The following KCNMB2 variants were observed in gnomAD, a reference collection of about 807,000 sequenced individuals.
KCNMB2 encodes the protein potassium calcium-activated channel subfamily M regulatory beta subunit 2.
In KCNMB2, 9 loss-of-function variants were observed where a neutral mutation model predicts 24.5. That is an observed-to-expected ratio of 0.37 (90% CI 0.22 to 0.64). The LOEUF is 0.64. Among genes scored for constraint, KCNMB2 ranks in the 30% least tolerant of loss-of-function variants. The probability of loss-of-function intolerance (pLI) is 0.63; values close to 1 mark genes in which losing one functional copy is unlikely to be tolerated. For synonymous variants in KCNMB2, 109 were observed against 104.4 expected (o/e 1.04, Z -0.27); for missense variants, 226 against 284.3 (o/e 0.79, Z 1.47).
chr3:178,681,672 G>A (rs182882546), intron 1 of KCNMB2, among the ~76,000 whole-genome samples: 54 of 152,302 alleles, frequency 3.5e-4, no homozygotes, highest in Admixed American at 7.2e-4. Flanking sequence ...AGACAAATAC[G>A]TAGCCGGATA....
intron 1 of KCNMB2, among the ~76,000 whole-genome samples, chr3:178,725,723 C>T (rs1722945602): frequency 6.6e-6 from 1 of 151,922 alleles, no homozygotes; most frequent in Admixed American, 6.6e-5. Context: ...TGCTGTTATT[C>T]GATGGAATGT....
At chr3:178,840,439 G>A (rs1456544540) in intron 4 of KCNMB2, among the ~76,000 whole-genome samples, 8 of 152,230 alleles carry the variant, frequency 5.3e-5, no homozygotes, top group Non-Finnish European at 1.2e-4. Flanking sequence ...CAGTGCCCCA[G>A]TGGGGATTCT....
Position 178,617,202 on chromosome 3 carries a change from A to G in KCNMB2, c.-68+80491A>G, listed in dbSNP as rs532659489. Among the ~76,000 whole-genome samples the G allele has an allele frequency of 3.9e-5, 6 of 152,322 alleles. No homozygotes were observed. In the East Asian group the frequency reaches 7.7e-4, roughly 20 times the overall value. On this transcript the variant is annotated intron_variant, in intron 1 of 4. Coordinates refer to ENST00000452583, the MANE Select transcript of KCNMB2 (RefSeq NM_181361.3). ...ATATTTGCTTCTAATTATGATTGTT[A>G]GCTTGTTTTAAAATATTATTATTAT...
chr3:178,654,179 T>C (rs1720236924), intron 1 of KCNMB2, among the ~76,000 whole-genome samples: 4 of 152,180 alleles, frequency 2.6e-5, no homozygotes, highest in Non-Finnish European at 5.9e-5. Context: ...TTTATATCTG[T>C]GACTATTTCC....
intron 1 of KCNMB2, among the ~76,000 whole-genome samples, chr3:178,690,385 A>G (rs985034714): frequency 6.6e-6 from 1 of 152,210 alleles, no homozygotes; most frequent in Non-Finnish European, 1.5e-5. Context: ...AACACTTTAA[A>G]GAGAACTAGA....
intron 2 of KCNMB2, among the ~76,000 whole-genome samples, chr3:178,818,644 A>G (rs1305039591): frequency 6.6e-6 from 1 of 152,084 alleles, no homozygotes; most frequent in Non-Finnish European, 1.5e-5. Context: ...TTTATCTAAC[A>G]CCTGAAACAC....
intron 1 of KCNMB2, among the ~76,000 whole-genome samples, chr3:178,677,540 C>G (rs1304807024): frequency 6.6e-6 from 1 of 152,186 alleles, no homozygotes; most frequent in Non-Finnish European, 1.5e-5. Flanking sequence ...CTGCCCTCAG[C>G]TCATTTGTTT....
At chr3:178,675,437 T>C (rs1292181968) in intron 1 of KCNMB2, among the ~76,000 whole-genome samples, 2 of 152,208 alleles carry the variant, frequency 1.3e-5, no homozygotes, top group East Asian at 3.8e-4. Flanking sequence ...AACTGCCAGC[T>C]TTCCCGCAGG....
intron 3 of KCNMB2, among the ~76,000 whole-genome samples, chr3:178,825,967 T>C (rs556458594): frequency 1.0e-3 from 154 of 152,322 alleles, no homozygotes; most frequent in Non-Finnish European, 1.9e-3. Flanking sequence ...TGTCAAAGAC[T>C]TCTACTTCTT....
intron 1 of KCNMB2, among the ~76,000 whole-genome samples, chr3:178,704,904 A>C (rs965712193): frequency 1.3e-5 from 2 of 152,140 alleles, no homozygotes. Flanking sequence ...GACTCCTATA[A>C]GATGAAATTT....
At chr3:178,816,693 T>G (rs1714415542) in intron 2 of KCNMB2, among the ~76,000 whole-genome samples, 1 of 152,166 alleles carries the variant, frequency 6.6e-6, no homozygotes, top group African/African-American at 2.4e-5. Context: ...TATCATTTAA[T>G]TCTGATTTTT....
At chr3:178,594,890 TCAC>T (rs1183443544) in intron 1 of KCNMB2, among the ~76,000 whole-genome samples, 1 of 152,084 alleles carries the variant, frequency 6.6e-6, no homozygotes, top group Admixed American at 6.6e-5. Context: ...ATTTCATTCT[TCAC>T]CATATTCTCT....
intron 1 of KCNMB2, among the ~76,000 whole-genome samples, chr3:178,687,567 G>T (rs967399028): frequency 9.9e-5 from 15 of 151,224 alleles, no homozygotes; most frequent in Non-Finnish European, 2.1e-4. Flanking sequence ...AGAATGATAC[G>T]CAAACAGCAC....
At chr3:178,542,531 C>T (rs914837075) in intron 1 of KCNMB2, among the ~76,000 whole-genome samples, 8 of 152,118 alleles carry the variant, frequency 5.3e-5, no homozygotes, top group Non-Finnish European at 8.8e-5. Context: ...CAAAGAGCTA[C>T]TATGCTATCA....
At chr3:178,540,879 T>C (rs1715594922) in intron 1 of KCNMB2, among the ~76,000 whole-genome samples, 1 of 152,234 alleles carries the variant, frequency 6.6e-6, no homozygotes, top group East Asian at 1.9e-4. Context: ...TTGTAAACTC[T>C]ATGAAAGCAG....
chr3:178,762,031 C>T lies in KCNMB2; in HGVS notation c.-67-45312C>T, dbSNP rs71308202. Among the ~76,000 whole-genome samples the T allele has an allele frequency of 1.1e-3, 171 of 151,240 alleles. 1 individual carries two copies. Among genetic ancestry groups the T allele is most frequent in the South Asian group, 3.4e-3 (16 of 4,776 alleles). ...CTAAAAATACAAAAAATTAACCAGG[C>T]GTCGTAGCGGGCGCCTGTAGTCCCA... On this transcript the variant is annotated intron_variant, in intron 1 of 4. Transcript: ENST00000452583.
chr3:178,728,096 T>C (rs9872492), intron 1 of KCNMB2, among the ~76,000 whole-genome samples: 1,657 of 152,300 alleles, frequency 0.011, 30 homozygotes, highest in African/African-American at 0.038. Context: ...TCACCCAAAA[T>C]TGTTGTTGCA....
intron 1 of KCNMB2, among the ~76,000 whole-genome samples, chr3:178,741,734 G>A (rs1420133322): frequency 6.6e-6 from 1 of 152,204 alleles, no homozygotes; most frequent in East Asian, 1.9e-4. Flanking sequence ...TCATGTTGGT[G>A]AGACCCCCAG....
At chr3:178,597,614 G>A (rs546445005) in intron 1 of KCNMB2, among the ~76,000 whole-genome samples, 7 of 152,220 alleles carry the variant, frequency 4.6e-5, no homozygotes, top group Middle Eastern at 3.4e-3. Context: ...ATTTACTGAC[G>A]CAGTGATACA....
Sources: allele counts gnomAD v4.1 joint callset (sites outside exome capture counted in the v4.1 genomes callset), GRCh38; gene constraint gnomAD v4.1.1; transcripts MANE v1.5; gene names NCBI Gene and HGNC (gene_info 2026-07-23, HGNC 2026-07-21).